MBNL2: variants seen among roughly 807,000 people sequenced by gnomAD.
MBNL2 encodes the protein muscleblind like splicing regulator 2, also known as muscleblind-like protein 2.
Under a neutral mutation model 41.9 loss-of-function variants are expected in MBNL2, and 17 were observed. The ratio of observed to expected loss-of-function variants is 0.41; its 90% confidence interval spans 0.28 to 0.61. The LOEUF (loss-of-function observed/expected upper bound fraction) is 0.61. Ranked by LOEUF, MBNL2 falls within the 20% of genes least tolerant of loss-of-function variation. MBNL2 has a pLI of 0.35. For synonymous variants in MBNL2, 195 were observed against 182.9 expected (o/e 1.07, Z -0.53); for missense variants, 336 against 505.6 (o/e 0.66, Z 3.22).
Position 97,246,468 on chromosome 13 carries a change from A to G in MBNL2, c.-605+23937A>G, listed in dbSNP as rs541052183. ...ATTTTACATGAGGATAAAGACTGTTAACGTATACAATAAAGTCAGCAGTGC... is the reference window on the plus strand; with the variant it reads ...ATTTTACATGAGGATAAAGACTGTTGACGTATACAATAAAGTCAGCAGTGC... On this transcript the variant is annotated intron_variant, in intron 1 of 8. Transcript: ENST00000679496. Among the ~76,000 whole-genome samples, 3 of 152,230 alleles carry G rather than the reference A, an allele frequency of 2.0e-5. 1 individual carries two copies. The South Asian group carries it at 6.2e-4, about 31-fold the overall frequency.
At chr13:97,309,085 A>G (rs2058360225) in intron 2 of MBNL2, among the ~76,000 whole-genome samples, 1 of 152,198 alleles carries the variant, frequency 6.6e-6, no homozygotes, top group African/African-American at 2.4e-5. Context: ...TGAGAGTAGC[A>G]TGGTTGGACT....
At chr13:97,165,645 C>T in the MBNL2 span, among the ~76,000 whole-genome samples, 1 of 152,118 alleles carries the variant, frequency 6.6e-6, no homozygotes, top group Non-Finnish European at 1.5e-5. Flanking sequence ...GGTAGTGAAT[C>T]CGCACTAACA....
chr13:97,342,512 G>A lies in MBNL2; in HGVS notation c.340-504G>A, dbSNP rs141034843. On this transcript the variant is annotated intron_variant, in intron 3 of 8. Coordinates refer to ENST00000679496, the MANE Select transcript of MBNL2 (RefSeq NM_001382683.1). Reference sequence around the variant, plus strand: ...AATATACATGCTAGTGATGGAATACGGAAACATACTGGTGAGTCTGGACAA... The same window carrying A: ...AATATACATGCTAGTGATGGAATACAGAAACATACTGGTGAGTCTGGACAA... 1.4e-4 allele frequency among the ~76,000 whole-genome samples: 22 copies of A among 152,288 alleles called. No individual in the cohort carries two copies. In the East Asian group the frequency reaches 3.7e-3, roughly 25 times the overall value.
the MBNL2 span, among the ~76,000 whole-genome samples, chr13:97,200,197 A>C: frequency 6.6e-6 from 1 of 152,004 alleles, no homozygotes; most frequent in African/African-American, 2.4e-5. Context: ...ACGTACACCC[A>C]CTCCAGGCCT....
the MBNL2 span, among the ~76,000 whole-genome samples, chr13:97,147,209 T>A: frequency 6.6e-6 from 1 of 152,232 alleles, no homozygotes; most frequent in Non-Finnish European, 1.5e-5. Flanking sequence ...GTATTTGTGC[T>A]GAATGCACTG....
intron 2 of MBNL2, among the ~76,000 whole-genome samples, chr13:97,333,946 A>C (rs7490179): frequency 7.6e-5 from 10 of 131,582 alleles, no homozygotes; most frequent in Middle Eastern, 7.1e-3. Flanking sequence ...AAGAAAGAAA[A>C]GAAAGAAAGA....
intron 2 of MBNL2, among the ~76,000 whole-genome samples, chr13:97,325,914 T>C (rs1249413812): frequency 6.6e-6 from 1 of 152,168 alleles, no homozygotes; most frequent in Non-Finnish European, 1.5e-5. Flanking sequence ...GGCAGTTGCA[T>C]TGGCCTAATA....
chr13:97,182,116 C>G, the MBNL2 span, among the ~76,000 whole-genome samples: 6 of 152,256 alleles, frequency 3.9e-5, no homozygotes, highest in East Asian at 7.7e-4. Flanking sequence ...TTTACTTTGA[C>G]TATTAAAAGA....
At chr13:97,360,256 GAC>G in intron 7 of MBNL2, among the ~76,000 whole-genome samples, 1 of 152,082 alleles carries the variant, frequency 6.6e-6, no homozygotes, top group Non-Finnish European at 1.5e-5. Context: ...TTCTCCCATT[GAC>G]ACAATGTGAA....
chr13:97,382,555 A>G (rs1186946026), intron 8 of MBNL2, among the ~76,000 whole-genome samples: 1 of 152,210 alleles, frequency 6.6e-6, no homozygotes, highest in East Asian at 1.9e-4. Flanking sequence ...TGGAATCACA[A>G]ATGTTGGGTA....
At chr13:97,145,897 T>C in the MBNL2 span, among the ~76,000 whole-genome samples, 1 of 152,180 alleles carries the variant, frequency 6.6e-6, no homozygotes, top group African/African-American at 2.4e-5. Context: ...AGCAGTTGCA[T>C]TTTTATTGGA....
At chr13:97,229,020 G>A (rs540762391) in intron 1 of MBNL2, among the ~76,000 whole-genome samples, 12 of 151,302 alleles carry the variant, frequency 7.9e-5, no homozygotes, top group Non-Finnish European at 1.6e-4. Context: ...GTCTGACTTG[G>A]AGTTTTCTTT....
the MBNL2 span, among the ~76,000 whole-genome samples, chr13:97,167,164 T>C: frequency 6.6e-6 from 1 of 152,202 alleles, no homozygotes; most frequent in African/African-American, 2.4e-5. Flanking sequence ...GAATAGCAAT[T>C]AATAAAATAG....
At chr13:97,345,027 G>A (rs1437553863) in intron 4 of MBNL2, among the ~76,000 whole-genome samples, 1 of 145,620 alleles carries the variant, frequency 6.9e-6, no homozygotes, top group Non-Finnish European at 1.5e-5. Context: ...GAACATCTTA[G>A]TGATTTATTT....
At chr13:97,388,804 A>G (rs1269191107) in intron 8 of MBNL2, among the ~76,000 whole-genome samples, 2 of 151,946 alleles carry the variant, frequency 1.3e-5, no homozygotes, top group Admixed American at 6.6e-5. Context: ...ATTTCTCAGG[A>G]AAAAAAAATT....
At chr13:97,225,024 G>A (rs1007731113) in intron 1 of MBNL2, among the ~76,000 whole-genome samples, 8 of 152,230 alleles carry the variant, frequency 5.3e-5, no homozygotes, top group Non-Finnish European at 8.8e-5. Context: ...AAACAAGAGG[G>A]AAGGAGAAAA....
intron 2 of MBNL2, among the ~76,000 whole-genome samples, chr13:97,312,475 T>A (rs933328921): frequency 5.3e-5 from 8 of 152,192 alleles, no homozygotes; most frequent in Non-Finnish European, 2.9e-5. Flanking sequence ...AATTAACAAA[T>A]TACTTCACAC....
intron 2 of MBNL2, among the ~76,000 whole-genome samples, chr13:97,299,527 T>C (rs1019882982): frequency 6.6e-5 from 10 of 152,200 alleles, no homozygotes; most frequent in Non-Finnish European, 1.3e-4. Flanking sequence ...GAAATACTTG[T>C]GCATTTGAAC....
chr13:97,331,552 T>C (rs992299930), intron 2 of MBNL2, among the ~76,000 whole-genome samples: 9 of 152,232 alleles, frequency 5.9e-5, no homozygotes, highest in African/African-American at 2.2e-4. Context: ...CTATTGCTAA[T>C]GAATAGCTTG....
Sources: allele counts gnomAD v4.1 joint callset (sites outside exome capture counted in the v4.1 genomes callset), GRCh38; gene constraint gnomAD v4.1.1; transcripts MANE v1.5; gene names NCBI Gene and HGNC (gene_info 2026-07-23, HGNC 2026-07-21).